TECPR1: variants seen among roughly 807,000 people sequenced by gnomAD.
TECPR1 encodes the protein tectonin beta-propeller repeat-containing protein 1.
In TECPR1, 122 loss-of-function variants were observed where a neutral mutation model predicts 162.4. That is an observed-to-expected ratio of 0.75 (90% confidence interval 0.65 to 0.87). The LOEUF is 0.87. Among genes scored for constraint, TECPR1 ranks in the 40% least tolerant of loss-of-function variants. The pLI, the probability that TECPR1 is intolerant of heterozygous loss-of-function variation, is 0.00. For missense variants in TECPR1, 1,432 were observed against 1,618.2 expected (o/e 0.88, Z 1.97); for synonymous variants, 642 against 670.6 (o/e 0.96, Z 0.66).
chr7:98,227,640 G>C (rs1010794016), intron 17 of TECPR1, among the ~76,000 whole-genome samples: 1 of 151,726 alleles, frequency 6.6e-6, no homozygotes, highest in Non-Finnish European at 1.5e-5. Flanking sequence ...GGCCAACATG[G>C]TAAAACCCTG....
Position 98,221,652 on chromosome 7 carries a change from G to A in TECPR1, c.3157+9C>T, listed in dbSNP as rs1036192211. 4.3e-6 allele frequency: 7 copies of A among 1,612,206 alleles called. No homozygotes were observed. The highest frequency in any genetic ancestry group is 5.9e-6 in the Non-Finnish European group (7 of 1,179,296). Reference sequence around the variant, plus strand: ...AAAACATTAAAAATTTAAAAAAAGAGCAACTTGCCATTCTCATCCAGGGCA... The same window carrying A: ...AAAACATTAAAAATTTAAAAAAAGAACAACTTGCCATTCTCATCCAGGGCA... On this transcript the variant is annotated intron_variant, in intron 23 of 25. Coordinates refer to ENST00000447648, the MANE Select transcript of TECPR1 (RefSeq NM_015395.3).
rs375550534 is a variant in TECPR1 at position 98,234,525 on chromosome 7, G to A, written c.1182-614C>T. On this transcript the variant is annotated intron_variant, in intron 10 of 25. Transcript: ENST00000447648. ...AGCAACACAAAATGGACTAAAACGC[G>A]TTTTCAAGCCTCTTGGATATACACC... Among the ~76,000 whole-genome samples the A allele has an allele frequency of 1.2e-4, 18 of 152,150 alleles. No individual in the cohort carries two copies. In the East Asian group the frequency reaches 2.1e-3, roughly 18 times the overall value.
At chr7:98,243,169 CCGTCCAGTGG>C in intron 6 of TECPR1, among the ~76,000 whole-genome samples, 3 of 151,518 alleles carry the variant, frequency 2.0e-5, no homozygotes, top group Admixed American at 1.3e-4. Flanking sequence ...CACCACCCAT[CCGTCCAGTGG>C]CACACCTTCT....
At position 98,238,565 on chromosome 7, in the gene TECPR1, T is replaced by C. The variant is rs780615846; in HGVS notation, c.979A>G (p.Ser327Gly). Residue 327 changes from serine to glycine, a missense_variant, in exon 9 of 26, where the codon AGT becomes GGT. Coordinates refer to ENST00000447648, the MANE Select transcript of TECPR1 (RefSeq NM_015395.3). ...ATCTCACCAACCATCTCAATCCAACTGGTGCCGCAGGGATTGTGAGAGTTG... is the reference window on the plus strand; with the variant it reads ...ATCTCACCAACCATCTCAATCCAACCGGTGCCGCAGGGATTGTGAGAGTTG... Reference protein sequence around the residue: ...GVNSHNPCGTSWIEMVGEMTM... With the variant: ...GVNSHNPCGTGWIEMVGEMTM... 6.7e-5 allele frequency: 106 copies of C among 1,575,068 alleles called. No individual in the cohort carries two copies. The highest frequency in any genetic ancestry group is 9.0e-5 in the Non-Finnish European group (105 of 1,160,434).
intron 17 of TECPR1, 144 bp downstream of exon 17, chr7:98,227,870 C>T (rs929963744): frequency 3.4e-5 from 19 of 555,984 alleles, no homozygotes; most frequent in East Asian, 6.2e-5. Context: ...TCTCAGTGAG[C>T]GGTAAGATCC....
In TECPR1 at chr7:98,241,099, C is replaced by T. The variant is rs1409149049; in HGVS notation, c.803G>A (p.Arg268Gln). The change falls in exon 7 of 26, where the codon CGG becomes CAG. Residue 268 changes from arginine (R) to glutamine (Q), a missense_variant. Physicochemically the swap from Arg to Gln is conservative, Grantham distance 43. Transcript: ENST00000447648. The surrounding 1 kb of genome is among the most constrained non-coding windows in gnomAD (Gnocchi z 5.0). ...ATLWEGQALV[R>Q]EGINRSNPKG... Reference sequence around the variant, plus strand: ...GGGATTGCTCCTGTTGATTCCTTCCCGGACCAGGGCCTGTCCCTCCCAGAG... The same window carrying T: ...GGGATTGCTCCTGTTGATTCCTTCCTGGACCAGGGCCTGTCCCTCCCAGAG... The T allele has an allele frequency of 1.6e-5, 25 of 1,609,324 alleles. No individual in the cohort carries two copies. Among genetic ancestry groups the T allele is most frequent in the Non-Finnish European group, 2.0e-5 (23 of 1,177,910 alleles).
chr7:98,244,070 A>G (rs1798837686), intron 5 of TECPR1, among the ~76,000 whole-genome samples: 1 of 151,380 alleles, frequency 6.6e-6, no homozygotes, highest in Non-Finnish European at 1.5e-5. Context: ...CTCTAAAAAG[A>G]AAAAAAAATA....
chr7:98,242,607 C>T (rs1161886889), intron 6 of TECPR1, among the ~76,000 whole-genome samples: 11 of 149,446 alleles, frequency 7.4e-5, no homozygotes, highest in Non-Finnish European at 1.6e-4. Flanking sequence ...TCCATCCGCA[C>T]ACCCACCCAT....
intron 23 of TECPR1, among the ~76,000 whole-genome samples, 152 bp downstream of exon 23, chr7:98,221,509 C>T (rs370495091): frequency 3.3e-5 from 5 of 149,840 alleles, no homozygotes; most frequent in African/African-American, 9.8e-5. Context: ...GATAGAGTCT[C>T]ACTGTGTCAT....
intron 17 of TECPR1, among the ~76,000 whole-genome samples, chr7:98,227,117 G>T (rs776733897): frequency 6.6e-6 from 1 of 152,096 alleles, no homozygotes; most frequent in Non-Finnish European, 1.5e-5. Flanking sequence ...CTACAGGTCA[G>T]GTGTGGTGGC....
At position 98,217,989 on chromosome 7, in the gene TECPR1, A is replaced by G; in HGVS notation, c.3211T>C (p.Trp1071Arg). 1.3e-6 allele frequency: 2 copies of G among 1,567,418 alleles called. No individual in the cohort carries two copies. The highest frequency in any genetic ancestry group is 2.4e-5 in the East Asian group (1 of 42,184). ...CACACGTTGTTGGACACGTGCTCCC[A>G]GCTGGAGCCCTGCGGGTAGCTGGGC... ...ITPSYPQGSSWEHVSNNVCRV... is the reference protein window; with the variant it reads ...ITPSYPQGSSREHVSNNVCRV... The change falls in exon 24 of 26, where the codon TGG (tryptophan) becomes CGG (arginine). Residue 1071 changes from tryptophan (W) to arginine (R), a missense_variant. Coordinates refer to ENST00000447648, the MANE Select transcript of TECPR1 (RefSeq NM_015395.3).
chr7:98,229,279 G>A lies in TECPR1; in HGVS notation c.2283-113C>T, dbSNP rs58936900. 1.2e-3 allele frequency: 1,676 copies of A among 1,391,552 alleles called. 19 individuals carry two copies. In the African/African-American group the frequency reaches 0.021, roughly 18 times the overall value. The allele number at this position is 1,391,552 out of a possible 1,614,324, so 86.2% of individuals were successfully genotyped here. ...TGGTTCTGGGATTTTCCCAGCCCTC[G>A]GTCTCCAAGCACAGACCATCCACCC... is the stretch of plus-strand genomic sequence containing the variant. On this transcript the variant is annotated intron_variant, in intron 15 of 25. Coordinates refer to ENST00000447648, the MANE Select transcript of TECPR1 (RefSeq NM_015395.3).
chr7:98,229,804 C>T (rs1798374609), intron 15 of TECPR1, among the ~76,000 whole-genome samples: 1 of 152,150 alleles, frequency 6.6e-6, no homozygotes, highest in African/African-American at 2.4e-5. Context: ...GGGCTTCTGG[C>T]TCACTATGTC....
Position 98,233,405 on chromosome 7 carries a change from C to G in TECPR1, c.1672+16G>C. On this transcript the variant is annotated intron_variant, in intron 11 of 25. Transcript: ENST00000447648. ...CTGGCCATGTGGATGCCCCCAGGCCCTGCAGGAGCCCTTACCCGCCTGGAC... is the reference window on the plus strand; with the variant it reads ...CTGGCCATGTGGATGCCCCCAGGCCGTGCAGGAGCCCTTACCCGCCTGGAC... 7.0e-7 allele frequency: 1 copy of G among 1,434,116 alleles called. No homozygotes were observed. The allele number at this position is 1,434,116 out of a possible 1,614,324, so 88.8% of individuals were successfully genotyped here. A position where few individuals can be genotyped will look rare whatever the true frequency, so the allele number is the denominator to read the frequency against.
intron 17 of TECPR1, among the ~76,000 whole-genome samples, chr7:98,227,223 C>T (rs1242047988): frequency 1.3e-5 from 2 of 151,478 alleles, no homozygotes; most frequent in African/African-American, 2.4e-5. Flanking sequence ...GAAACCCCGT[C>T]TCTACTAAAA....
intron 22 of TECPR1, 22 bp downstream of exon 22, chr7:98,222,364 G>A (rs750026674): frequency 5.1e-5 from 82 of 1,603,590 alleles, no homozygotes; most frequent in Admixed American, 8.5e-5. Flanking sequence ...CACTGCAGGG[G>A]CTCCTGGGGC....
Position 98,242,365 on chromosome 7 carries a change from T to C in TECPR1, c.657+1102A>G, listed in dbSNP as rs560126138. On this transcript the variant is annotated intron_variant, in intron 6 of 25. Transcript: ENST00000447648. ...TTCCTCTGCTTAGTTCACAAACTCC[T>C]TGAGACAGGATTGCCTCTCTCTAAA... 2.0e-5 allele frequency among the ~76,000 whole-genome samples: 3 copies of C among 152,170 alleles called. No individual in the cohort carries two copies. The South Asian group carries it at 6.2e-4, about 32-fold the overall frequency.
chr7:98,251,403 G>A lies in TECPR1; in HGVS notation c.-29C>T, dbSNP rs1287228414. ...CTCCGCAAGCACTTACTTCCTCTGAGCCTTAGGAGTCCTACCTAAAAGGTT... is the reference window on the plus strand; with the variant it reads ...CTCCGCAAGCACTTACTTCCTCTGAACCTTAGGAGTCCTACCTAAAAGGTT... On this transcript the variant is annotated 5_prime_UTR_variant, in exon 2 of 26. Transcript: ENST00000447648. 5 of 152,182 alleles carry A rather than the reference G, an allele frequency of 3.3e-5. No individual in the cohort carries two copies. Among genetic ancestry groups the A allele is most frequent in the African/African-American group, 4.8e-5 (2 of 41,440 alleles). 9.4% of individuals were successfully genotyped at this position (152,182 alleles called of 1,614,324 possible).
intron 2 of TECPR1, among the ~76,000 whole-genome samples, chr7:98,248,037 C>G (rs999526660): frequency 1.3e-5 from 2 of 152,194 alleles, no homozygotes; most frequent in Non-Finnish European, 2.9e-5. Context: ...TTTCTCTCTT[C>G]TTTCTCTGTG....
Sources: allele counts gnomAD v4.1 joint callset (sites outside exome capture counted in the v4.1 genomes callset), GRCh38; gene constraint gnomAD v4.1.1; non-coding constraint Gnocchi (gnomAD v3.1); transcripts MANE v1.5; gene names NCBI Gene and HGNC (gene_info 2026-07-23, HGNC 2026-07-21).